NID1: variants seen among roughly 807,000 people sequenced by gnomAD.
NID1 encodes nidogen-1.
A neutral mutation model predicts 130.6 loss-of-function variants in NID1; 76 were observed. The ratio of observed to expected loss-of-function variants is 0.58; its 90% CI spans 0.48 to 0.70. The LOEUF is 0.70. NID1 is among the 30% of genes least tolerant of loss of function. The pLI is 0.00. For missense variants in NID1, 1,517 were observed against 1,664.8 expected, an observed-to-expected ratio of 0.91 and a Z score of 1.54; for synonymous variants, 665 against 675.1, an observed-to-expected ratio of 0.98 and a Z score of 0.23.
At chr1:236,027,624 T>A (rs112855654) in intron 7 of NID1, among the ~76,000 whole-genome samples, 3,126 of 152,046 alleles carry the variant, frequency 0.021, 98 homozygotes, top group African/African-American at 0.069. Flanking sequence ...AGGTCAGGAG[T>A]TCGAGACCAG....
chr1:235,997,993 C>T (rs918617672), intron 12 of NID1, among the ~76,000 whole-genome samples: 1 of 152,096 alleles, frequency 6.6e-6, no homozygotes, highest in Non-Finnish European at 1.5e-5. Context: ...ACAGGGATGG[C>T]AGTAATAACA....
At chr1:235,978,870 A>G in intron 19 of NID1, 125 bp downstream of exon 19, 1 of 652,824 alleles carries the variant, frequency 1.5e-6, no homozygotes, top group Non-Finnish European at 2.8e-6. Context: ...CCTGGATGCA[A>G]AGGACTGGAT....
At chr1:236,004,157 C>A (rs1458907832) in intron 12 of NID1, among the ~76,000 whole-genome samples, 2 of 151,924 alleles carry the variant, frequency 1.3e-5, no homozygotes, top group Non-Finnish European at 2.9e-5. Context: ...AAGCTGACTG[C>A]AGTGGTTAGA....
intron 3 of NID1, 149 bp from the exon 4 acceptor site, chr1:236,042,441 T>C: frequency 9.8e-7 from 1 of 1,023,014 alleles, no homozygotes; most frequent in Non-Finnish European, 1.4e-6. Flanking sequence ...CTGGCCGTCA[T>C]GTCTGGGCGT....
In NID1 at chr1:235,978,994, C is replaced by T; in HGVS notation, c.3622+1G>A. 1 of 1,608,066 alleles carries T rather than the reference C, an allele frequency of 6.2e-7. No homozygotes were observed. Among genetic ancestry groups the T allele is most frequent in the Non-Finnish European group, 8.5e-7 (1 of 1,174,566 alleles). On this transcript the variant is annotated splice_donor_variant, in intron 19 of 19. Transcript: ENST00000264187. LOFTEE classifies it high-confidence loss of function. ...CAACAGTAACAGCACAGGAGAGTTA[C>T]CTTGCGGACACTGAGACAGGGCCGT...
intron 6 of NID1, 38 bp downstream of exon 6, chr1:236,032,363 T>C: frequency 6.2e-7 from 1 of 1,605,022 alleles, no homozygotes; most frequent in South Asian, 1.1e-5. Flanking sequence ...TAGGCACTAC[T>C]GTGTGACCCA....
Position 236,045,703 on chromosome 1 carries a change from T to C in NID1, c.526-20A>G, listed in dbSNP as rs1168699385. The C allele has an allele frequency of 1.3e-6, 2 of 1,575,730 alleles. No homozygotes were observed. Among genetic ancestry groups the C allele is most frequent in the East Asian group, 4.5e-5 (2 of 44,210 alleles). On this transcript the variant is annotated intron_variant, in intron 2 of 19. Coordinates refer to ENST00000264187, the MANE Select transcript of NID1 (RefSeq NM_002508.3). ...GTTTCTCTGTGAAGATGAGTTAAAA[T>C]TCAGTTACTCGGAAAAATATCGATA...
intron 15 of NID1, among the ~76,000 whole-genome samples, chr1:235,984,418 C>T (rs1425830496): frequency 1.3e-5 from 2 of 152,168 alleles, no homozygotes; most frequent in Non-Finnish European, 2.9e-5. Flanking sequence ...GGAAAAAATG[C>T]TTCGGGAGTT....
chr1:235,977,582 C>A lies in NID1; in HGVS notation c.*285G>T. On this transcript the variant is annotated 3_prime_UTR_variant, in exon 20 of 20. Coordinates refer to ENST00000264187, the MANE Select transcript of NID1 (RefSeq NM_002508.3). ...AGTATTGGGAAAAGGTCCTAGGACA[C>A]TGGGATGGGCATGTAATCCTCACTC... 1 of 351,246 alleles carries A rather than the reference C, an allele frequency of 2.8e-6. No individual in the cohort carries two copies. The highest frequency in any genetic ancestry group is 5.3e-6 in the Non-Finnish European group (1 of 187,752). The allele number at this position is 351,246 out of a possible 1,614,324, so 21.8% of individuals were successfully genotyped here.
Position 236,048,951 on chromosome 1 carries a change from C to G in NID1, c.264G>C (p.Pro88=). 6.2e-7 allele frequency: 1 copy of G among 1,613,978 alleles called. No individual in the cohort carries two copies. Among genetic ancestry groups the G allele is most frequent in the Non-Finnish European group, 8.5e-7 (1 of 1,179,984 alleles). Residue 88 remains proline, a synonymous_variant, in exon 2 of 20, where the codon CCG becomes CCC. Transcript: ENST00000264187. ...TNGIIATSEP[P]AKESHPGLFP... is the part of the protein sequence containing the mutation. ...AGAGCCCGGGATGGGATTCTTTGGC[C>G]GGGGGTTCACTCGTAGCAATGATGC... is the stretch of plus-strand genomic sequence containing the variant.
chr1:236,025,872 C>T (rs763198711), intron 8 of NID1, 24 bp downstream of exon 8: 1 of 1,608,164 alleles, frequency 6.2e-7, no homozygotes, highest in Non-Finnish European at 8.5e-7. Flanking sequence ...GCACCTGTGC[C>T]CAGCATGAGC....
intron 1 of NID1, among the ~76,000 whole-genome samples, chr1:236,061,908 C>A (rs552316675): frequency 6.6e-6 from 1 of 152,198 alleles, no homozygotes; most frequent in Non-Finnish European, 1.5e-5. Context: ...GGCCATAAAT[C>A]AAAAAGTCAG....
intron 12 of NID1, among the ~76,000 whole-genome samples, chr1:236,008,815 C>T (rs1441652649): frequency 2.0e-5 from 3 of 152,002 alleles, no homozygotes; most frequent in Admixed American, 6.6e-5. Flanking sequence ...TACATTCATG[C>T]ACCACCACAC....
At chr1:236,059,868 G>A (rs1014946537) in intron 1 of NID1, among the ~76,000 whole-genome samples, 19 of 152,196 alleles carry the variant, frequency 1.2e-4, no homozygotes, top group Admixed American at 8.5e-4. Context: ...TTGGGAGGCT[G>A]AGATGGGAGG....
intron 15 of NID1, 66 bp downstream of exon 15, chr1:235,985,313 G>C: frequency 6.4e-7 from 1 of 1,568,946 alleles, no homozygotes; most frequent in Non-Finnish European, 8.8e-7. Flanking sequence ...TTCTTCTCTG[G>C]CATACATGGC....
chr1:236,024,991 C>T (rs1362067280), intron 8 of NID1, among the ~76,000 whole-genome samples: 1 of 151,838 alleles, frequency 6.6e-6, no homozygotes, highest in Non-Finnish European at 1.5e-5. Context: ...CTCTCTGCTG[C>T]CCAGGCTGGA....
chr1:236,042,238 G>A lies in NID1; in HGVS notation c.807C>T (p.Ala269=). ...GVWVFEIGSP[A]TTNGVVPADV... ...CTGCAGGCACCACGCCATTGGTGGT[G>A]GCTGGACTCCCAATCTCAAACACCC... The change falls in exon 4 of 20, where the codon GCC becomes GCT. Residue 269 remains alanine, a synonymous_variant. Coordinates refer to ENST00000264187, the MANE Select transcript of NID1 (RefSeq NM_002508.3). The A allele has an allele frequency of 6.2e-7, 1 of 1,610,688 alleles. No homozygotes were observed. Among genetic ancestry groups the A allele is most frequent in the Non-Finnish European group, 8.5e-7 (1 of 1,179,996 alleles).
intron 14 of NID1, among the ~76,000 whole-genome samples, chr1:235,988,778 C>G (rs1657641010): frequency 6.6e-6 from 1 of 152,096 alleles, no homozygotes; most frequent in Non-Finnish European, 1.5e-5. Flanking sequence ...ATGACAAATA[C>G]TGTATGATTC....
chr1:236,029,786 G>T, intron 6 of NID1, 36 bp from the exon 7 acceptor site: 2 of 1,607,050 alleles, frequency 1.2e-6, no homozygotes, highest in Non-Finnish European at 1.7e-6. Context: ...TTTGCTGACT[G>T]GGGAGCGCGC....
Sources: allele counts gnomAD v4.1 joint callset (sites outside exome capture counted in the v4.1 genomes callset), GRCh38; gene constraint gnomAD v4.1.1; transcripts MANE v1.5; gene names NCBI Gene and HGNC (gene_info 2026-07-23, HGNC 2026-07-21).